Variants in LRP1B observed in about 807,000 individuals in gnomAD.
The protein encoded by LRP1B is LDL receptor related protein 1B, also known as low-density lipoprotein receptor-related protein 1B.
LRP1B carries 217 observed loss-of-function variants against 556.6 expected under a neutral mutation model. The observed-to-expected ratio is 0.39, with a 90% CI of 0.35 to 0.44. The LOEUF is 0.44. Ranked by LOEUF, LRP1B falls within the 20% of genes least tolerant of loss-of-function variation. LRP1B has a pLI of 1.00. For missense variants in LRP1B, 5,053 were observed against 5,620.8 expected (o/e 0.90, Z 3.23); for synonymous variants, 2,047 against 1,865.8 (o/e 1.10, Z -2.50).
intron 2 of LRP1B, among the ~76,000 whole-genome samples, chr2:141,553,605 T>TA (rs2105233681): frequency 6.7e-6 from 1 of 148,150 alleles, no homozygotes; most frequent in Admixed American, 6.9e-5. Flanking sequence ...TGTTTACCTT[T>TA]AAAAAACTAT....
intron 49 of LRP1B, among the ~76,000 whole-genome samples, chr2:140,521,010 AT>A (rs1690147696): frequency 6.6e-6 from 1 of 151,910 alleles, no homozygotes; most frequent in Admixed American, 6.6e-5. Context: ...ATAAAAAAGA[AT>A]TTTAGAAAAT....
chr2:140,310,461 A>G (rs1022545097), intron 83 of LRP1B, among the ~76,000 whole-genome samples: 46 of 151,570 alleles, frequency 3.0e-4, no homozygotes, highest in African/African-American at 1.1e-3. Flanking sequence ...ATAAGCAAAA[A>G]GAAACAGGAG....
intron 7 of LRP1B, among the ~76,000 whole-genome samples, chr2:141,119,716 T>C: frequency 6.7e-6 from 1 of 149,514 alleles, no homozygotes; most frequent in South Asian, 2.1e-4. Flanking sequence ...ACCCAAGAGG[T>C]TGTGTGTGTG....
chr2:141,644,169 G>T (rs1025407756), intron 2 of LRP1B, among the ~76,000 whole-genome samples: 2 of 151,778 alleles, frequency 1.3e-5, no homozygotes, highest in Non-Finnish European at 2.9e-5. Context: ...ATGTGGTTTG[G>T]CTGTGTCCCC....
At chr2:140,236,442 C>T (rs1224221684) in intron 89 of LRP1B, among the ~76,000 whole-genome samples, 1 of 150,840 alleles carries the variant, frequency 6.6e-6, no homozygotes, top group Non-Finnish European at 1.5e-5. Context: ...AATTGATACT[C>T]TTAATTTAGA....
At chr2:141,450,826 T>C (rs1270092007) in intron 3 of LRP1B, among the ~76,000 whole-genome samples, 4 of 152,166 alleles carry the variant, frequency 2.6e-5, no homozygotes. Flanking sequence ...ATATACAATA[T>C]ATTTATTAAC....
chr2:140,965,889 C>CT (rs36155375), intron 18 of LRP1B, among the ~76,000 whole-genome samples: 105,563 of 150,614 alleles, frequency 0.7, 38,036 homozygotes, highest in Non-Finnish European at 0.78. Context: ...TGAACTCATC[C>CT]TTTTTTTATG....
chr2:141,658,880 G>A (rs1314059817), intron 2 of LRP1B, among the ~76,000 whole-genome samples: 1 of 152,064 alleles, frequency 6.6e-6, no homozygotes, highest in Non-Finnish European at 1.5e-5. Context: ...CACTACATGG[G>A]TCCAAAGAAG....
chr2:141,205,858 A>G (rs143763825), intron 6 of LRP1B, among the ~76,000 whole-genome samples: 9 of 152,126 alleles, frequency 5.9e-5, no homozygotes, highest in African/African-American at 2.2e-4. Context: ...TATTTTAAAA[A>G]CCTGCATTTG....
chr2:140,696,001 T>G (rs1408501316), intron 41 of LRP1B, among the ~76,000 whole-genome samples: 1 of 152,194 alleles, frequency 6.6e-6, no homozygotes, highest in Non-Finnish European at 1.5e-5. Flanking sequence ...AGTCTGAATC[T>G]GATAGTGAAA....
At chr2:141,404,942 G>T (rs932955160) in intron 3 of LRP1B, among the ~76,000 whole-genome samples, 1 of 151,176 alleles carries the variant, frequency 6.6e-6, no homozygotes, top group African/African-American at 2.4e-5. Flanking sequence ...ACGAAGAATA[G>T]TTAGCTGGGT....
chr2:141,524,481 A>G (rs1348400472), intron 2 of LRP1B, among the ~76,000 whole-genome samples: 1 of 152,088 alleles, frequency 6.6e-6, no homozygotes, highest in Non-Finnish European at 1.5e-5. Context: ...ATGGCTCTGT[A>G]GGCCACATGC....
At chr2:141,774,833 T>A (rs1311545048) in intron 2 of LRP1B, among the ~76,000 whole-genome samples, 1 of 152,174 alleles carries the variant, frequency 6.6e-6, no homozygotes, top group Non-Finnish European at 1.5e-5. Context: ...AGGGGAGTGA[T>A]CTGACCCTCA....
At chr2:141,688,701 A>T (rs1383458195) in intron 2 of LRP1B, among the ~76,000 whole-genome samples, 1 of 151,882 alleles carries the variant, frequency 6.6e-6, no homozygotes, top group Middle Eastern at 3.2e-3. Context: ...AGTCTTGTCC[A>T]CTTCGATATA....
At chr2:140,431,341 G>A (rs1249071600) in intron 66 of LRP1B, among the ~76,000 whole-genome samples, 1 of 152,098 alleles carries the variant, frequency 6.6e-6, no homozygotes, top group East Asian at 1.9e-4. Context: ...GCCCATTTGA[G>A]CTCCTGTATG....
At chr2:140,382,661 G>A (rs1163114502) in intron 67 of LRP1B, among the ~76,000 whole-genome samples, 2 of 152,066 alleles carry the variant, frequency 1.3e-5, no homozygotes, top group Admixed American at 6.6e-5. Context: ...AATTTAAAAC[G>A]TAGTTGGCAG....
chr2:141,292,467 C>T (rs1247593296), intron 3 of LRP1B, among the ~76,000 whole-genome samples: 1 of 152,014 alleles, frequency 6.6e-6, no homozygotes, highest in Non-Finnish European at 1.5e-5. Context: ...AAGAGAAGAG[C>T]TCACCAAATC....
intron 3 of LRP1B, among the ~76,000 whole-genome samples, chr2:141,314,121 T>C (rs1686909402): frequency 6.6e-6 from 1 of 152,184 alleles, no homozygotes; most frequent in East Asian, 1.9e-4. Context: ...TGGACAGTGA[T>C]GATGATCTAT....
At chr2:140,678,764 A>C (rs1336919089) in intron 41 of LRP1B, among the ~76,000 whole-genome samples, 1 of 131,634 alleles carries the variant, frequency 7.6e-6, no homozygotes, top group Non-Finnish European at 1.6e-5. Context: ...TGAGGCTTCA[A>C]TCTCCCTTTT....
Sources: allele counts gnomAD v4.1 joint callset (sites outside exome capture counted in the v4.1 genomes callset), GRCh38; gene constraint gnomAD v4.1.1; transcripts MANE v1.5; gene names NCBI Gene and HGNC (gene_info 2026-07-23, HGNC 2026-07-21).